The following EEF1D variants were observed in gnomAD, a reference collection of about 807,000 sequenced individuals.
EEF1D encodes the protein eukaryotic translation elongation factor 1 delta, also known as elongation factor 1-delta.
In EEF1D, 47 loss-of-function variants were observed where a neutral mutation model predicts 63.9. The observed-to-expected ratio is 0.74, with a 90% confidence interval of 0.58 to 0.94. EEF1D has a LOEUF of 0.94. Ranked by LOEUF, EEF1D falls within the 40% of genes least tolerant of loss-of-function variation. The pLI, the probability that EEF1D is intolerant of heterozygous loss-of-function variation, is 0.00. For missense variants in EEF1D, 907 were observed against 899.0 expected (o/e 1.01, Z -0.11); for synonymous variants, 412 against 386.1 (o/e 1.07, Z -0.79).
intron 3 of EEF1D, 99 bp downstream of exon 3, chr8:143,588,892 C>G (rs1159517832): frequency 2.1e-6 from 3 of 1,446,784 alleles, no homozygotes; most frequent in Admixed American, 2.4e-5. Flanking sequence ...GCCCCCACCC[C>G]AGGTGGGCAG....
chr8:143,583,511 C>T (rs970797197), intron 5 of EEF1D: 1 of 152,258 alleles, frequency 6.6e-6, no homozygotes, highest in Non-Finnish European at 1.5e-5. Context: ...ATCTGTGCTC[C>T]CTTAATCTCA....
At position 143,585,637 on chromosome 8, in the gene EEF1D, C is replaced by T. The variant is rs551688701; in HGVS notation, c.1287+582G>A. Among the ~76,000 whole-genome samples, 3 of 152,354 alleles carry T rather than the reference C, an allele frequency of 2.0e-5. No homozygotes were observed. The East Asian group carries it at 5.8e-4, about 29-fold the overall frequency. The stretch of plus-strand genomic sequence containing the variant: ...CTCCTCGGGAACACCAGGGCTGCCA[C>T]CTCCCGGAGGACACCCCTTCCCCAG... On this transcript the variant is annotated intron_variant, in intron 5 of 9. Coordinates refer to ENST00000618139, the MANE Select transcript of EEF1D (RefSeq NM_001130053.5).
intron 2 of EEF1D, chr8:143,590,359 A>G (rs1166634750): frequency 1.6e-6 from 1 of 630,766 alleles, no homozygotes; most frequent in Non-Finnish European, 2.7e-6. Flanking sequence ...GCCTCCCAAT[A>G]CATGAACAAT....
At chr8:143,579,983 C>T (rs748635470) in intron 9 of EEF1D, 29 bp downstream of exon 9, 1 of 1,603,632 alleles carries the variant, frequency 6.2e-7, no homozygotes, top group Non-Finnish European at 8.5e-7. Context: ...AGTCTCCTCT[C>T]CCCTCCTCTC....
At chr8:143,591,858 G>C (rs1018618816) in intron 2 of EEF1D, among the ~76,000 whole-genome samples, 1 of 152,252 alleles carries the variant, frequency 6.6e-6, no homozygotes, top group African/African-American at 2.4e-5. Context: ...AGCTGTCTAC[G>C]CTCCACCCAG....
chr8:143,587,851 G>A (rs914357433), intron 3 of EEF1D, among the ~76,000 whole-genome samples: 1 of 152,226 alleles, frequency 6.6e-6, no homozygotes, highest in African/African-American at 2.4e-5. Flanking sequence ...CCGGGGCCCA[G>A]ACCCTCTGGT....
rs1825477451 is a variant in EEF1D, at chr8:143,581,245, G to A, written c.1371C>T (p.Asn457=). ...GGGCCTCACCGCCACGCAGACTCTG[G>A]TTCTCCACTTCCAGACTGGCAATCC... The part of the protein sequence containing the change: ...VVRIASLEVE[N]QSLRGVVQEL... Residue 457 remains asparagine, a synonymous_variant, in exon 6 of 10, where the codon AAC becomes AAT. Coordinates refer to ENST00000618139, the MANE Select transcript of EEF1D (RefSeq NM_001130053.5). 6.2e-7 allele frequency: 1 copy of A among 1,612,792 alleles called. No individual in the cohort carries two copies.
rs771442790 is a variant in EEF1D, at chr8:143,580,617, C to T, written c.1599G>A (p.Glu533=). The part of the protein sequence containing the change: ...IDLFGSDNEE[E]DKEAAQLREE... ...CCCGCAGCTGTGCCGCCTCCTTGTC[C>T]TCCTCCTCATTGTCACTGCCAAACA... The change falls in exon 8 of 10, where the codon GAG becomes GAA. Residue 533 remains glutamate (E), a synonymous_variant. Transcript: ENST00000618139. 1.2e-6 allele frequency: 2 copies of T among 1,613,784 alleles called. No individual in the cohort carries two copies. Among genetic ancestry groups the T allele is most frequent in the Non-Finnish European group, 1.7e-6 (2 of 1,179,880 alleles).
chr8:143,587,470 C>G (rs997707923), intron 3 of EEF1D: 1 of 152,298 alleles, frequency 6.6e-6, no homozygotes, highest in East Asian at 1.9e-4. Flanking sequence ...ACTGGGACTA[C>G]CAGTGCACAC....
intron 5 of EEF1D, 177 bp downstream of exon 5, chr8:143,586,042 A>G (rs988007337): frequency 1.9e-6 from 1 of 536,720 alleles, no homozygotes. Context: ...GAATAAGAAC[A>G]CTGTCCGTGG....
chr8:143,582,442 G>A (rs1825743572), intron 5 of EEF1D: 1 of 152,424 alleles, frequency 6.6e-6, no homozygotes, highest in South Asian at 2.1e-4. Context: ...GGGAGGGCCA[G>A]GCTTTGGGGC....
At chr8:143,586,548 C>T (rs1826672390) in intron 4 of EEF1D, among the ~76,000 whole-genome samples, 181 bp downstream of exon 4, 1 of 152,208 alleles carries the variant, frequency 6.6e-6, no homozygotes, top group Non-Finnish European at 1.5e-5. Flanking sequence ...GGGCCCTGAG[C>T]AGACCCGGCC....
intron 5 of EEF1D, chr8:143,583,143 A>C (rs889382213): frequency 3.9e-5 from 6 of 152,222 alleles, no homozygotes; most frequent in Admixed American, 3.9e-4. Flanking sequence ...GTCCAATAAG[A>C]AGACATCAGG....
At chr8:143,591,265 T>C (rs1175500217) in intron 2 of EEF1D, among the ~76,000 whole-genome samples, 2 of 152,226 alleles carry the variant, frequency 1.3e-5, no homozygotes, top group Non-Finnish European at 2.9e-5. Context: ...CACTTGCTAC[T>C]GTGGCCTGGG....
Position 143,589,758 on chromosome 8 carries a change from G to A in EEF1D, c.324C>T (p.Ala108=), listed in dbSNP as rs924906711. 4.6e-6 allele frequency: 7 copies of A among 1,535,496 alleles called. No homozygotes were observed. Among genetic ancestry groups the A allele is most frequent in the South Asian group, 1.3e-5 (1 of 79,060 alleles). ...PADLALLGLS[A]ERVWLDKSLF... is the part of the protein sequence containing the mutation. Reference sequence around the variant, plus strand: ...GTGACTTGTCCAGCCACACGCGTTCGGCCGAGAGGCCCAGGAGGGCCAGGT... The same window carrying A: ...GTGACTTGTCCAGCCACACGCGTTCAGCCGAGAGGCCCAGGAGGGCCAGGT... Residue 108 remains alanine (A), a synonymous_variant, in exon 3 of 10, where the codon GCC becomes GCT. Transcript: ENST00000618139.
At position 143,580,656 on chromosome 8, in the gene EEF1D, A is replaced by G. The variant is rs150841153; in HGVS notation, c.1560T>C (p.Asp520=). 4 of 1,613,906 alleles carry G rather than the reference A, an allele frequency of 2.5e-6. No homozygotes were observed. The East Asian group carries it at 8.9e-5, about 36-fold the overall frequency. The part of the protein sequence containing the change: ...KPATPAEDDE[D]DDIDLFGSDN... ...CACTGCCAAACAGGTCAATGTCATC[A>G]TCCTCGTCATCCTCTGCTGGTGTGG... The change falls in exon 8 of 10, where the codon GAT becomes GAC. Residue 520 remains aspartate (D), a synonymous_variant. Coordinates refer to ENST00000618139, the MANE Select transcript of EEF1D (RefSeq NM_001130053.5).
intron 2 of EEF1D, chr8:143,590,768 G>A (rs4495441): frequency 0.13 from 22,797 of 170,386 alleles, 2,007 homozygotes; most frequent in East Asian, 0.34. Context: ...TTAGCCGGGC[G>A]TGGTGGCAGG....
chr8:143,591,154 C>G (rs910993333), intron 2 of EEF1D, among the ~76,000 whole-genome samples: 7 of 152,206 alleles, frequency 4.6e-5, no homozygotes, highest in Non-Finnish European at 8.8e-5. Flanking sequence ...TCATGGGGCT[C>G]TCACAGTCCC....
At position 143,589,781 on chromosome 8, in the gene EEF1D, G is replaced by A. The variant is rs148849920; in HGVS notation, c.301C>T (p.Leu101=). Residue 101 remains leucine (L), a synonymous_variant, in exon 3 of 10, where the codon CTG becomes TTG. Coordinates refer to ENST00000618139, the MANE Select transcript of EEF1D (RefSeq NM_001130053.5). ...SPKSGLGPAD[L]ALLGLSAERV... ...TCGGCCGAGAGGCCCAGGAGGGCCAGGTCCGCGGGGCCGAGCCCGCTCTTG... is the reference window on the plus strand; with the variant it reads ...TCGGCCGAGAGGCCCAGGAGGGCCAAGTCCGCGGGGCCGAGCCCGCTCTTG... The A allele has an allele frequency of 4.4e-5, 69 of 1,568,690 alleles. No homozygotes were observed. Among genetic ancestry groups the A allele is most frequent in the Non-Finnish European group, 5.8e-5 (67 of 1,159,066 alleles).
Sources: allele counts gnomAD v4.1 joint callset (sites outside exome capture counted in the v4.1 genomes callset), GRCh38; gene constraint gnomAD v4.1.1; transcripts MANE v1.5; gene names NCBI Gene and HGNC (gene_info 2026-07-23, HGNC 2026-07-21).